Variants in YES1 observed in about 807,000 individuals in gnomAD.
The protein encoded by YES1 is YES proto-oncogene 1, Src family tyrosine kinase.
In YES1, 39 loss-of-function variants were observed where a neutral mutation model predicts 70.4. That is an observed-to-expected ratio of 0.55 (90% confidence interval 0.43 to 0.72). The LOEUF (loss-of-function observed/expected upper bound fraction) is 0.72, where lower values mean the gene tolerates loss of function less well. YES1 is among the 30% of genes least tolerant of loss of function. The pLI, the probability that YES1 is intolerant of heterozygous loss-of-function variation, is 0.00. For missense variants in YES1, 495 were observed against 644.8 expected (o/e 0.77, Z 2.52); for synonymous variants, 198 against 218.6 (o/e 0.91, Z 0.83).
intron 1 of YES1, among the ~76,000 whole-genome samples, chr18:784,458 T>C (rs1258132820): frequency 6.6e-6 from 1 of 152,236 alleles, no homozygotes; most frequent in Admixed American, 6.5e-5. Context: ...GCTCAGTGTC[T>C]ATTAATTATT....
intron 1 of YES1, among the ~76,000 whole-genome samples, chr18:801,813 T>A (rs1027475167): frequency 1.3e-5 from 2 of 152,246 alleles, no homozygotes; most frequent in Admixed American, 1.3e-4. Context: ...TTTTGCATGT[T>A]TCTTTATTCT....
intron 1 of YES1, among the ~76,000 whole-genome samples, chr18:777,970 T>C (rs1905469068): frequency 6.6e-6 from 1 of 152,248 alleles, no homozygotes; most frequent in South Asian, 2.1e-4. Flanking sequence ...CACATTATGT[T>C]GTACAGTGTT....
chr18:742,528 TTA>T (rs1180094955), intron 8 of YES1, among the ~76,000 whole-genome samples: 2 of 152,132 alleles, frequency 1.3e-5, no homozygotes, highest in African/African-American at 4.8e-5. Context: ...GGAATTATGT[TTA>T]TATTAAAATG....
At chr18:779,981 C>T (rs969887748) in intron 1 of YES1, among the ~76,000 whole-genome samples, 2 of 151,226 alleles carry the variant, frequency 1.3e-5, no homozygotes, top group African/African-American at 4.9e-5. Flanking sequence ...CGCCTGTAAT[C>T]CCAGCACTTT....
At chr18:757,325 A>G (rs562653145) in intron 1 of YES1, among the ~76,000 whole-genome samples, 7 of 151,412 alleles carry the variant, frequency 4.6e-5, no homozygotes, top group Admixed American at 4.6e-4. Context: ...AACACGGTGA[A>G]ACCCCGCCTC....
chr18:783,290 CT>C (rs2040970470), intron 1 of YES1, among the ~76,000 whole-genome samples: 1 of 152,054 alleles, frequency 6.6e-6, no homozygotes. Flanking sequence ...GAGAAAATAT[CT>C]CAAATATACA....
chr18:756,068 T>G (rs1301429071), intron 2 of YES1, among the ~76,000 whole-genome samples: 1 of 152,206 alleles, frequency 6.6e-6, no homozygotes, highest in Non-Finnish European at 1.5e-5. Flanking sequence ...GGGGAAAATT[T>G]TAAACTGTCT....
chr18:755,879 GA>G (rs1401471984), intron 2 of YES1, among the ~76,000 whole-genome samples: 3 of 152,122 alleles, frequency 2.0e-5, no homozygotes, highest in Non-Finnish European at 4.4e-5. Flanking sequence ...CTTTACAAAA[GA>G]GCTCATTTTC....
intron 6 of YES1, among the ~76,000 whole-genome samples, chr18:743,952 T>C (rs2145709151): frequency 6.7e-6 from 1 of 149,396 alleles, no homozygotes; most frequent in African/African-American, 2.4e-5. Flanking sequence ...TACTTACTAC[T>C]TAGTATGTAT....
Position 723,873 on chromosome 18 carries a change from A to G in YES1, c.*551T>C, listed in dbSNP as rs1457381624. On this transcript the variant is annotated 3_prime_UTR_variant, in exon 12 of 12. Transcript: ENST00000314574. ...AGATCCTGTTTATATTCCTTTTGAA[A>G]AACCTGGCCCATGTCCATGCAAAAG... The G allele has an allele frequency of 1.3e-5, 2 of 153,704 alleles. No homozygotes were observed. Among genetic ancestry groups the G allele is most frequent in the African/African-American group, 4.8e-5 (2 of 41,470 alleles). 9.5% of individuals were successfully genotyped at this position (153,704 alleles called of 1,614,324 possible).
intron 1 of YES1, chr18:788,107 T>G: frequency 6.6e-6 from 1 of 152,214 alleles, no homozygotes; most frequent in East Asian, 1.9e-4. Flanking sequence ...ATCTCCCAAC[T>G]ATATGAACTT....
At chr18:743,913 A>AT (rs1417234506) in intron 6 of YES1, among the ~76,000 whole-genome samples, 16 of 149,264 alleles carry the variant, frequency 1.1e-4, no homozygotes, top group African/African-American at 3.2e-4. Flanking sequence ...CTCGAAAAAA[A>AT]AAAAAATATA....
At chr18:736,698 CT>C in intron 10 of YES1, 109 bp downstream of exon 10, 1 of 1,387,104 alleles carries the variant, frequency 7.2e-7, no homozygotes, top group Non-Finnish European at 9.6e-7. Flanking sequence ...GTCTCTATGA[CT>C]CTTCTGAGGG....
At chr18:780,545 T>C (rs1200468317) in intron 1 of YES1, among the ~76,000 whole-genome samples, 3 of 152,146 alleles carry the variant, frequency 2.0e-5, no homozygotes, top group Non-Finnish European at 4.4e-5. Flanking sequence ...CCCCATGACC[T>C]TGGACTTCTC....
chr18:730,191 C>G (rs2080071514), intron 11 of YES1, among the ~76,000 whole-genome samples: 2 of 152,204 alleles, frequency 1.3e-5, no homozygotes, highest in African/African-American at 2.4e-5. Context: ...TCTCCAACAT[C>G]TATCCAGTTT....
At position 742,951 on chromosome 18, in the gene YES1, G is replaced by T; in HGVS notation, c.1027C>A (p.Pro343Thr). 6.2e-7 allele frequency: 1 copy of T among 1,600,320 alleles called. No homozygotes were observed. Among genetic ancestry groups the T allele is most frequent in the Non-Finnish European group, 8.5e-7 (1 of 1,176,674 alleles). Residue 343 changes from proline to threonine, a missense_variant, in exon 8 of 12, where the codon CCA (proline) becomes ACA (threonine). Pro to Thr is a conservative substitution (Grantham distance 38, BLOSUM62 -1). Coordinates refer to ENST00000314574, the MANE Select transcript of YES1 (RefSeq NM_005433.4). ...ATAAATTCAGTGACAATGTAAATTG[G>T]TTCTTCAGAAACAACAGCATATAGT... ...VPLYAVVSEEPIYIVTEFMSK... is the reference protein window; with the variant it reads ...VPLYAVVSEETIYIVTEFMSK...
chr18:745,019 T>C (rs890453946), intron 6 of YES1, among the ~76,000 whole-genome samples: 1 of 152,136 alleles, frequency 6.6e-6, no homozygotes, highest in East Asian at 1.9e-4. Flanking sequence ...CTTGGTAACA[T>C]GCTTGATCAA....
chr18:741,934 G>C (rs940154391), intron 8 of YES1, among the ~76,000 whole-genome samples: 2 of 152,180 alleles, frequency 1.3e-5, no homozygotes, highest in African/African-American at 4.8e-5. Flanking sequence ...TCAATTAATA[G>C]GCTGTATAAT....
intron 1 of YES1, among the ~76,000 whole-genome samples, chr18:800,680 CAA>C (rs1311060970): frequency 6.6e-6 from 1 of 152,150 alleles, no homozygotes; most frequent in African/African-American, 2.4e-5. Context: ...GACACAGTGG[CAA>C]AAGAGTGGCA....
Sources: gnomAD v4.1 joint callset for allele counts (sites outside exome capture counted in the v4.1 genomes callset) on GRCh38, gnomAD v4.1.1 for gene constraint, MANE v1.5 for transcripts, NCBI Gene and HGNC (gene_info 2026-07-23, HGNC 2026-07-21) for gene names.